The following CERS3 variants were observed in gnomAD, a reference collection of about 807,000 sequenced individuals.
CERS3 encodes the protein LAG1 homolog, ceramide synthase 3.
CERS3 carries 33 observed loss-of-function variants against 50.3 expected under a neutral mutation model. The observed-to-expected ratio is 0.66, with a 90% CI of 0.50 to 0.88. The LOEUF (loss-of-function observed/expected upper bound fraction) is 0.88. Among genes scored for constraint, CERS3 ranks in the 40% least tolerant of loss-of-function variants. The pLI is 0.00. For synonymous variants in CERS3, 176 were observed against 155.2 expected, an observed-to-expected ratio of 1.13 and a Z score of -0.99; for missense variants, 470 against 460.3, an observed-to-expected ratio of 1.02 and a Z score of -0.19.
intron 4 of CERS3, among the ~76,000 whole-genome samples, chr15:100,486,383 G>A (rs2035483590): frequency 1.3e-5 from 2 of 152,140 alleles, no homozygotes; most frequent in South Asian, 2.1e-4. Context: ...CGTAAGCACC[G>A]CACTTTGACC....
rs78180720 is a variant in CERS3, at chr15:100,447,936, T to C, written c.999+7957A>G. Among the ~76,000 whole-genome samples, 986 of 152,288 alleles carry C rather than the reference T, an allele frequency of 6.5e-3. 12 individuals are homozygous for C. The highest frequency in any genetic ancestry group is 0.022 in the African/African-American group (929 of 41,550). On this transcript the variant is annotated intron_variant, in intron 11 of 11. Transcript: ENST00000679737. ...AACAACACAAACAAAAAACCTTCAA[T>C]AGTCTAAAAGTTTGAATCAATAGTC... is the stretch of plus-strand genomic sequence containing the variant.
At chr15:100,536,904 C>A (rs2037087583) in intron 1 of CERS3, among the ~76,000 whole-genome samples, 1 of 152,170 alleles carries the variant, frequency 6.6e-6, no homozygotes, top group Non-Finnish European at 1.5e-5. Context: ...CATATCTGAA[C>A]AGGACAATGA....
intron 4 of CERS3, among the ~76,000 whole-genome samples, chr15:100,487,100 G>A (rs2035509101): frequency 1.3e-5 from 2 of 152,272 alleles, no homozygotes; most frequent in Middle Eastern, 6.8e-3. Context: ...GTCTAAAAGT[G>A]TTTTCTTGAA....
intron 11 of CERS3, among the ~76,000 whole-genome samples, chr15:100,434,416 G>A (rs1268652033): frequency 6.6e-6 from 1 of 152,216 alleles, no homozygotes; most frequent in African/African-American, 2.4e-5. Flanking sequence ...CACAGATCAA[G>A]CCATCTGCAT....
chr15:100,515,289 T>C (rs1035659536), intron 2 of CERS3, among the ~76,000 whole-genome samples: 1 of 152,206 alleles, frequency 6.6e-6, no homozygotes, highest in South Asian at 2.1e-4. Flanking sequence ...ATTTTAACAA[T>C]TTCAGAGAAA....
At chr15:100,469,106 T>C (rs1264690348) in intron 10 of CERS3, among the ~76,000 whole-genome samples, 1 of 152,182 alleles carries the variant, frequency 6.6e-6, no homozygotes, top group South Asian at 2.1e-4. Context: ...CAAAGAAAGG[T>C]CTACATCCAT....
At chr15:100,472,823 G>T in intron 9 of CERS3, 101 bp downstream of exon 9, 2 of 1,413,110 alleles carry the variant, frequency 1.4e-6, no homozygotes, top group Non-Finnish European at 2.0e-6. Context: ...GGTGTTTTCA[G>T]GACACAGAGC....
At position 100,410,925 on chromosome 15, in the gene CERS3, T is replaced by A. The variant is rs190470836; in HGVS notation, c.1000-8060A>T. Among the ~76,000 whole-genome samples, 47 of 152,298 alleles carry A rather than the reference T, an allele frequency of 3.1e-4. No individual in the cohort carries two copies. The East Asian group carries it at 9.1e-3, about 29-fold the overall frequency. On this transcript the variant is annotated intron_variant, in intron 11 of 11. Coordinates refer to ENST00000679737, the MANE Select transcript of CERS3 (RefSeq NM_001378789.1). ...CCATCCATTCCCATAGCTCTTTTCA[T>A]CTTGTGAAACAGAAATTCTGTACCC...
At chr15:100,501,918 CTTGGCTCAAA>C in intron 2 of CERS3, 68 bp from the exon 3 acceptor site, 1 of 1,530,742 alleles carries the variant, frequency 6.5e-7, no homozygotes, top group Non-Finnish European at 8.9e-7. Context: ...CATTGATCAC[CTTGGCTCAAA>C]ATGCCAGATC....
chr15:100,532,670 G>T (rs971445641), upstream of CERS3, among the ~76,000 whole-genome samples: 11 of 152,038 alleles, frequency 7.2e-5, no homozygotes, highest in Non-Finnish European at 1.6e-4. Context: ...GAGGTGGGAG[G>T]ATCACCTGAG....
intron 11 of CERS3, among the ~76,000 whole-genome samples, chr15:100,455,301 G>A (rs1029888444): frequency 2.6e-5 from 4 of 152,024 alleles, no homozygotes; most frequent in African/African-American, 9.7e-5. Flanking sequence ...CACCAGATTG[G>A]GAAGGGTGTG....
Position 100,402,508 on chromosome 15 carries a change from A to C in CERS3, c.*205T>G. The stretch of plus-strand genomic sequence containing the variant: ...GAAATCTTTGACCAGTCTGAGTCCT[A>C]ACTGCAGTAAAAATCCATGGGCATG... On this transcript the variant is annotated 3_prime_UTR_variant, in exon 12 of 12. Coordinates refer to ENST00000679737, the MANE Select transcript of CERS3 (RefSeq NM_001378789.1). 3.6e-6 allele frequency: 2 copies of C among 559,172 alleles called. No individual in the cohort carries two copies. The highest frequency in any genetic ancestry group is 3.1e-5 in the East Asian group (1 of 32,502). The allele number at this position is 559,172 out of a possible 1,614,324, so 34.6% of individuals were successfully genotyped here.
chr15:100,482,674 C>A (rs1010777379), intron 5 of CERS3, among the ~76,000 whole-genome samples: 1 of 152,064 alleles, frequency 6.6e-6, no homozygotes, highest in Admixed American at 6.5e-5. Context: ...CAAGGGTCAC[C>A]ATGAGAGAAA....
chr15:100,516,073 A>G (rs771375370), intron 2 of CERS3, among the ~76,000 whole-genome samples: 77 of 152,216 alleles, frequency 5.1e-4, no homozygotes, highest in Non-Finnish European at 9.4e-4. Context: ...GTTCTGTCTC[A>G]GTTTTCCCAT....
chr15:100,433,377 A>C (rs2033232003), intron 11 of CERS3, among the ~76,000 whole-genome samples: 1 of 152,184 alleles, frequency 6.6e-6, no homozygotes, highest in Non-Finnish European at 1.5e-5. Flanking sequence ...CTATAGAATC[A>C]ACATGAACAT....
rs999194874 is a variant in CERS3 at position 100,402,389 on chromosome 15, A to T, written c.*324T>A. ...CGTCCTGAGGACAGGCAAGGTGGCGAGGCGAAAGGGTCTATAACAAAGCGA... is the reference window on the plus strand; with the variant it reads ...CGTCCTGAGGACAGGCAAGGTGGCGTGGCGAAAGGGTCTATAACAAAGCGA... On this transcript the variant is annotated 3_prime_UTR_variant, in exon 12 of 12. Transcript: ENST00000679737. 4.3e-6 allele frequency: 1 copy of T among 234,132 alleles called. No individual in the cohort carries two copies. Among genetic ancestry groups the T allele is most frequent in the Non-Finnish European group, 8.2e-6 (1 of 121,506 alleles). The allele number at this position is 234,132 out of a possible 1,614,324, so 14.5% of individuals were successfully genotyped here. A position where few individuals can be genotyped will look rare whatever the true frequency, so the allele number is the denominator to read the frequency against.
chr15:100,533,391 G>A (rs2036988745), upstream of CERS3, among the ~76,000 whole-genome samples: 2 of 152,154 alleles, frequency 1.3e-5, no homozygotes, highest in African/African-American at 4.8e-5. Context: ...GATGCTGACA[G>A]AGTACATTTA....
At chr15:100,453,474 C>A (rs1008104844) in intron 11 of CERS3, among the ~76,000 whole-genome samples, 67 of 152,240 alleles carry the variant, frequency 4.4e-4, no homozygotes, top group African/African-American at 1.6e-3. Context: ...AAACTCTCAA[C>A]AAACTAGTCA....
intron 1 of CERS3, among the ~76,000 whole-genome samples, chr15:100,541,158 G>T (rs2037192719): frequency 6.6e-6 from 1 of 152,114 alleles, no homozygotes; most frequent in African/African-American, 2.4e-5. Flanking sequence ...AGCAGCAAAT[G>T]CTGGGGTCCA....
Sources: allele counts gnomAD v4.1 joint callset (sites outside exome capture counted in the v4.1 genomes callset), GRCh38; gene constraint gnomAD v4.1.1; transcripts MANE v1.5; gene names NCBI Gene and HGNC (gene_info 2026-07-23, HGNC 2026-07-21).